The following PPFIBP2 variants were observed in gnomAD, a reference collection of about 807,000 sequenced individuals.
The protein encoded by PPFIBP2 is PPFIB scaffold protein 2.
Under a neutral mutation model 118.3 loss-of-function variants are expected in PPFIBP2, and 118 were observed. That is an observed-to-expected ratio of 1.00 (90% CI 0.86 to 1.16). The LOEUF (loss-of-function observed/expected upper bound fraction) is 1.16, where lower values mean the gene tolerates loss of function less well. Ranked by LOEUF, PPFIBP2 falls within the 50% of genes most tolerant of loss-of-function variation. The pLI is 0.00. For missense variants in PPFIBP2, 1,195 were observed against 1,073.1 expected, an observed-to-expected ratio of 1.11 and a Z score of -1.59; for synonymous variants, 414 against 397.4, an observed-to-expected ratio of 1.04 and a Z score of -0.50.
intron 5 of PPFIBP2, among the ~76,000 whole-genome samples, chr11:7,604,454 TCACC>T (rs1225810993): frequency 4.1e-5 from 6 of 147,576 alleles, no homozygotes; most frequent in African/African-American, 1.6e-4. Context: ...ACCCACCTAC[TCACC>T]CACCCATACA....
chr11:7,527,961 C>T (rs1449336325), intron 1 of PPFIBP2, among the ~76,000 whole-genome samples: 1 of 152,202 alleles, frequency 6.6e-6, no homozygotes, highest in South Asian at 2.1e-4. Context: ...AATTTCAAAG[C>T]AGCCTTTCAG....
At chr11:7,637,557 G>C (rs1436571319) in intron 14 of PPFIBP2, among the ~76,000 whole-genome samples, 3 of 152,206 alleles carry the variant, frequency 2.0e-5, no homozygotes, top group Non-Finnish European at 2.9e-5. Context: ...CTGGCATGCT[G>C]CTTCTCTGTT....
chr11:7,588,007 C>T (rs994704386), intron 3 of PPFIBP2, among the ~76,000 whole-genome samples: 27 of 152,156 alleles, frequency 1.8e-4, no homozygotes, highest in African/African-American at 1.9e-4. Context: ...ATCTAGGGTT[C>T]GCCACAATTC....
At chr11:7,657,972 G>A (rs75122976), downstream of PPFIBP2, among the ~76,000 whole-genome samples, 87 of 152,268 alleles carry the variant, frequency 5.7e-4, no homozygotes, top group Non-Finnish European at 8.7e-4. Flanking sequence ...CCACTCCTTC[G>A]CATGTGTGTG....
the PPFIBP2 span, chr11:7,665,774 GCTGT>G: frequency 3.5e-6 from 5 of 1,439,514 alleles, no homozygotes; most frequent in East Asian, 2.5e-5. Context: ...AAGCCCTGCT[GCTGT>G]CTGTCAGCTG....
chr11:7,539,043 T>C (rs1428264167), intron 1 of PPFIBP2: 2 of 152,286 alleles, frequency 1.3e-5, no homozygotes, highest in Non-Finnish European at 2.9e-5. Flanking sequence ...TTAAGCATGC[T>C]TGTTCACCTT....
At chr11:7,548,927 C>G (rs983048720) in intron 1 of PPFIBP2, among the ~76,000 whole-genome samples, 2 of 152,170 alleles carry the variant, frequency 1.3e-5, no homozygotes, top group Admixed American at 6.5e-5. Context: ...CATTTGAGCC[C>G]TCTCAGCCTG....
chr11:7,519,480 G>A (rs557953958), intron 1 of PPFIBP2, among the ~76,000 whole-genome samples: 8 of 152,236 alleles, frequency 5.3e-5, no homozygotes, highest in South Asian at 2.1e-4. Context: ...TTCATTTGCC[G>A]GCCATTTGGA....
downstream of PPFIBP2, among the ~76,000 whole-genome samples, chr11:7,654,363 C>T (rs1186090667): frequency 3.9e-5 from 6 of 152,208 alleles, no homozygotes; most frequent in Admixed American, 3.3e-4. Context: ...TCTAGTTTGC[C>T]CCCAGGCAGT....
At chr11:7,532,022 A>G (rs546066158) in intron 1 of PPFIBP2, among the ~76,000 whole-genome samples, 1 of 152,096 alleles carries the variant, frequency 6.6e-6, no homozygotes, top group Admixed American at 6.5e-5. Flanking sequence ...GTGTGTTTTT[A>G]GTAGAGATGG....
intron 6 of PPFIBP2, among the ~76,000 whole-genome samples, chr11:7,617,532 TTTA>T (rs1848806251): frequency 6.6e-6 from 1 of 152,066 alleles, no homozygotes; most frequent in African/African-American, 2.4e-5. Context: ...ACTCATCTCC[TTTA>T]GGGCTGGGAA....
At chr11:7,648,074 T>G in intron 17 of PPFIBP2, 1 of 214,344 alleles carries the variant, frequency 4.7e-6, no homozygotes, top group Non-Finnish European at 9.2e-6. Flanking sequence ...ACTTGTGGCA[T>G]GTATATGTGT....
In PPFIBP2 at chr11:7,599,629, C is replaced by CT. The variant is rs372421700; in HGVS notation, c.486+1975dup. ...TTTTTTAAAGTCATAAACTCAATTA[C>CT]TTTTTTTTTTTTTTTTTTTGAGACG... On this transcript the variant is annotated intron_variant, in intron 5 of 23. Transcript: ENST00000299492. Among the ~76,000 whole-genome samples the CT allele has an allele frequency of 4.1e-3, 547 of 134,000 alleles. 3 individuals carry two copies. Among genetic ancestry groups the CT allele is most frequent in the East Asian group, 7.5e-3 (35 of 4,670 alleles). 87.9% of individuals were successfully genotyped at this position (134,000 alleles called of 152,430 possible). A position where few individuals can be genotyped will look rare whatever the true frequency, so the allele number is the denominator to read the frequency against.
intron 1 of PPFIBP2, among the ~76,000 whole-genome samples, chr11:7,520,311 G>A (rs1419993052): frequency 1.3e-5 from 2 of 152,100 alleles, no homozygotes; most frequent in African/African-American, 2.4e-5. Context: ...GGGGGTACGT[G>A]TCTTCCGGTT....
Position 7,605,617 on chromosome 11 carries a change from G to C in PPFIBP2, c.487-4674G>C, listed in dbSNP as rs558637766. The C allele has an allele frequency of 2.2e-4, 189 of 865,166 alleles. No homozygotes were observed. The African/African-American group carries it at 3.1e-3, about 14-fold the overall frequency. 53.6% of individuals were successfully genotyped at this position (865,166 alleles called of 1,614,324 possible). ...TGAGATCCCATGAGGATTTTCTGCT[G>C]TGGTATGAATACAATTGGAATGACT... On this transcript the variant is annotated intron_variant, in intron 5 of 23. Transcript: ENST00000299492.
rs76465494 is a variant in PPFIBP2, at chr11:7,606,008, C to T, written c.487-4283C>T. ...TGGAAGCTATTGAGGAGACGGAGTGCGCCTAAAGTAGGTAGAAAAGCTGTT... is the reference window on the plus strand; with the variant it reads ...TGGAAGCTATTGAGGAGACGGAGTGTGCCTAAAGTAGGTAGAAAAGCTGTT... On this transcript the variant is annotated intron_variant, in intron 5 of 23. Transcript: ENST00000299492. The T allele has an allele frequency of 3.3e-3, 5,022 of 1,534,368 alleles. 144 individuals are homozygous for T. In the African/African-American group the frequency reaches 0.058, roughly 18 times the overall value.
At chr11:7,653,843 A>C, downstream of PPFIBP2, 5 of 1,159,658 alleles carry the variant, frequency 4.3e-6, no homozygotes, top group Non-Finnish European at 5.5e-6. Flanking sequence ...GCAGAGCTGA[A>C]GAGCCGGTGG....
At chr11:7,521,381 A>G (rs1171244395) in intron 1 of PPFIBP2, among the ~76,000 whole-genome samples, 2 of 152,194 alleles carry the variant, frequency 1.3e-5, no homozygotes, top group African/African-American at 4.8e-5. Flanking sequence ...GCCCTACTTT[A>G]GCTCTCCAGC....
At chr11:7,564,006 A>C (rs190615353) in intron 2 of PPFIBP2, among the ~76,000 whole-genome samples, 184 of 152,240 alleles carry the variant, frequency 1.2e-3, no homozygotes, top group African/African-American at 4.2e-3. Context: ...TCTACTAAAA[A>C]ATACAAAAAA....
Sources: allele counts gnomAD v4.1 joint callset (sites outside exome capture counted in the v4.1 genomes callset), GRCh38; gene constraint gnomAD v4.1.1; transcripts MANE v1.5; gene names NCBI Gene and HGNC (gene_info 2026-07-23, HGNC 2026-07-21).